Variants in DHX34 observed in about 807,000 individuals in gnomAD.
DHX34 encodes the protein DExH-box helicase 34.
DHX34 carries 96 observed loss-of-function variants against 111.1 expected under a neutral mutation model. The observed-to-expected ratio is 0.86, with a 90% CI of 0.73 to 1.02. The LOEUF (loss-of-function observed/expected upper bound fraction) is 1.02. Among genes scored for constraint, DHX34 ranks in the 50% least tolerant of loss-of-function variants. The pLI, the probability that DHX34 is intolerant of heterozygous loss-of-function variation, is 0.00. For synonymous variants in DHX34, 688 were observed against 670.4 expected, an observed-to-expected ratio of 1.03 and a Z score of -0.41; for missense variants, 1,560 against 1,579.9, an observed-to-expected ratio of 0.99 and a Z score of 0.21.
At position 47,376,052 on chromosome 19, in the gene DHX34, G is replaced by A. The variant is rs1171049300; in HGVS notation, c.2436G>A (p.Leu812=). The change falls in exon 11 of 17, where the codon CTG becomes CTA. Residue 812 remains leucine, a synonymous_variant. Transcript: ENST00000328771. ...TGGGCCGGGGCCTGTACCCACAGCT[G>A]GCCGTCCCCGACGCCTTCAACAGCA... ...LVLGRGLYPQ[L]AVPDAFNSSR... The A allele has an allele frequency of 1.3e-6, 2 of 1,588,344 alleles. No individual in the cohort carries two copies. Among genetic ancestry groups the A allele is most frequent in the Non-Finnish European group, 1.7e-6 (2 of 1,168,788 alleles).
intron 8 of DHX34, chr19:47,373,335 C>G (rs1276281595): frequency 2.4e-6 from 1 of 413,148 alleles, no homozygotes; most frequent in East Asian, 1.6e-4. Context: ...TGCAGGGAGA[C>G]AGACCACTGA....
At chr19:47,351,870 C>A (rs1326886825) in intron 1 of DHX34, among the ~76,000 whole-genome samples, 1 of 151,796 alleles carries the variant, frequency 6.6e-6, no homozygotes, top group African/African-American at 2.4e-5. Flanking sequence ...CATGTAGAAT[C>A]GAGGAAGGGC....
intron 13 of DHX34, among the ~76,000 whole-genome samples, chr19:47,378,899 G>A (rs1970257080): frequency 6.6e-6 from 1 of 152,078 alleles, no homozygotes; most frequent in Admixed American, 6.6e-5. Context: ...GGAGGCCGAG[G>A]TGTGTGGATC....
At position 47,381,176 on chromosome 19, in the gene DHX34, C is replaced by T. The variant is rs768508903; in HGVS notation, c.3160-10C>T. 1 of 1,612,660 alleles carries T rather than the reference C, an allele frequency of 6.2e-7. No individual in the cohort carries two copies. The highest frequency in any genetic ancestry group is 8.5e-7 in the Non-Finnish European group (1 of 1,178,932). ...GCGGGGGCCCAGCCCTGACAGCTGGCCTGCCACAGAATGACACAGACCTGT... is the reference window on the plus strand; with the variant it reads ...GCGGGGGCCCAGCCCTGACAGCTGGTCTGCCACAGAATGACACAGACCTGT... On this transcript the variant is annotated splice_polypyrimidine_tract_variant and intron_variant, in intron 15 of 16. Transcript: ENST00000328771.
At position 47,359,976 on chromosome 19, in the gene DHX34, T is replaced by G; in HGVS notation, c.1281T>G (p.Asp427Glu). The G allele has an allele frequency of 2.5e-6, 4 of 1,614,064 alleles. No individual in the cohort carries two copies. Among genetic ancestry groups the G allele is most frequent in the Non-Finnish European group, 1.7e-6 (2 of 1,179,982 alleles). ...CCCTCCCTTCCTCCCAGGTATTTGA[T>G]GTGGCACCCCCTGGAGTCCGGAAAT... Reference protein sequence around the residue: ...LSVADQDKVFDVAPPGVRKCI... With the variant: ...LSVADQDKVFEVAPPGVRKCI... Residue 427 changes from aspartate (D) to glutamate (E), a missense_variant, in exon 5 of 17, where the codon GAT becomes GAG. Asp to Glu is a conservative substitution (Grantham distance 45). Coordinates refer to ENST00000328771, the MANE Select transcript of DHX34 (RefSeq NM_014681.6).
In DHX34 at chr19:47,377,088, T is replaced by C; in HGVS notation, c.2600-12T>C. 6.2e-7 allele frequency: 1 copy of C among 1,613,898 alleles called. No individual in the cohort carries two copies. Among genetic ancestry groups the C allele is most frequent in the Non-Finnish European group, 8.5e-7 (1 of 1,179,890 alleles). ...CCAGGGTGGGCCTGAGCGGTCCTCCTCAACCTTTCAGACGACAAGGACAAG... is the reference window on the plus strand; with the variant it reads ...CCAGGGTGGGCCTGAGCGGTCCTCCCCAACCTTTCAGACGACAAGGACAAG... On this transcript the variant is annotated splice_polypyrimidine_tract_variant and intron_variant, in intron 12 of 16. Transcript: ENST00000328771.
intron 13 of DHX34, among the ~76,000 whole-genome samples, chr19:47,377,986 G>A (rs1970224712): frequency 6.6e-6 from 1 of 152,094 alleles, no homozygotes; most frequent in Non-Finnish European, 1.5e-5. Context: ...AGCCCTGTGG[G>A]TCTCCCTTTA....
intron 4 of DHX34, among the ~76,000 whole-genome samples, chr19:47,358,550 C>T (rs1338126510): frequency 1.3e-5 from 2 of 150,834 alleles, no homozygotes; most frequent in Non-Finnish European, 2.9e-5. Flanking sequence ...ACTTCTTGGG[C>T]TCAAGTGATC....
Position 47,373,638 on chromosome 19 carries a change from C to A in DHX34, c.2002C>A (p.Arg668Ser). ...GAGCAGAAACTCTCGCAAGTGGTGC[C>A]GCCGCCGGGGCATAGAGGAGCATCG... ...ERSRNSRKWCRRRGIEEHRLY... is the reference protein window; with the variant it reads ...ERSRNSRKWCSRRGIEEHRLY... Residue 668 changes from arginine to serine, a missense_variant, in exon 9 of 17, where the codon CGC becomes AGC. Physicochemically the swap from Arg to Ser is moderately radical, Grantham distance 110. Transcript: ENST00000328771. 6.2e-7 allele frequency: 1 copy of A among 1,613,956 alleles called. No homozygotes were observed. Among genetic ancestry groups the A allele is most frequent in the Non-Finnish European group, 8.5e-7 (1 of 1,179,932 alleles).
intron 6 of DHX34, among the ~76,000 whole-genome samples, chr19:47,363,836 AAT>A (rs1491025896): frequency 6.6e-6 from 1 of 151,346 alleles, no homozygotes; most frequent in African/African-American, 2.4e-5. Flanking sequence ...AAAAAAAAAA[AAT>A]GTCCATAGGG....
Position 47,357,995 on chromosome 19 carries a change from GTCT to G in DHX34, c.1150_1152del (p.Phe384del). 2 of 1,613,874 alleles carry G rather than the reference GTCT, an allele frequency of 1.2e-6. No individual in the cohort carries two copies. Among genetic ancestry groups the G allele is most frequent in the Non-Finnish European group, 1.7e-6 (2 of 1,180,040 alleles). ...GCCTGAGGAGCGGGGTGACCTCCTCGTCTTCCTCAGCGGCATGGCGGAGATCAG... is the reference window on the plus strand; with the variant it reads ...GCCTGAGGAGCGGGGTGACCTCCTCGTCCTCAGCGGCATGGCGGAGATCAG... On this transcript the variant is annotated inframe_deletion, in exon 4 of 17. Coordinates refer to ENST00000328771, the MANE Select transcript of DHX34 (RefSeq NM_014681.6).
At chr19:47,365,846 G>A (rs1382282955) in intron 6 of DHX34, among the ~76,000 whole-genome samples, 1 of 152,186 alleles carries the variant, frequency 6.6e-6, no homozygotes, top group Non-Finnish European at 1.5e-5. Context: ...ACCATCTACT[G>A]CCTGCCTGGA....
intron 12 of DHX34, 138 bp from the exon 13 acceptor site, chr19:47,376,962 G>A (rs995511551): frequency 1.3e-6 from 2 of 1,544,888 alleles, no homozygotes; most frequent in Non-Finnish European, 1.7e-6. Flanking sequence ...TGACCTTCTT[G>A]TCTGAGCCAG....
At chr19:47,375,342 G>A (rs773273310) in intron 9 of DHX34, 124 bp from the exon 10 acceptor site, 9 of 1,425,050 alleles carry the variant, frequency 6.3e-6, no homozygotes, top group African/African-American at 2.9e-5. Context: ...AGCACCATGC[G>A]AGGGGCTGTT....
chr19:47,371,444 T>C (rs1969962413), intron 7 of DHX34, among the ~76,000 whole-genome samples: 1 of 152,104 alleles, frequency 6.6e-6, no homozygotes, highest in African/African-American at 2.4e-5. Context: ...ATGCTGTTGT[T>C]CCCCCGTTTA....
rs1291034639 is a variant in DHX34, at chr19:47,376,076, CAGCCGAA to C, written c.2463_2469del (p.Ser821ArgfsTer50). On this transcript the variant is annotated frameshift_variant, in exon 11 of 17. Coordinates refer to ENST00000328771, the MANE Select transcript of DHX34 (RefSeq NM_014681.6). LOFTEE classifies it high-confidence loss of function. ...TGGCCGTCCCCGACGCCTTCAACAG[CAGCCGAA>C]AGGACTCAGACCAGGTGGGGCCTGT... 3.2e-6 allele frequency: 5 copies of C among 1,569,210 alleles called. No homozygotes were observed. The highest frequency in any genetic ancestry group is 2.8e-5 in the African/African-American group (2 of 72,714).
At chr19:47,373,488 A>C in intron 8 of DHX34, 111 bp from the exon 9 acceptor site, 1 of 1,475,000 alleles carries the variant, frequency 6.8e-7, no homozygotes, top group East Asian at 2.5e-5. Context: ...TGGAAGCAGG[A>C]GAGCAGGTGT....
Position 47,381,319 on chromosome 19 carries a change from C to T in DHX34, c.3293C>T (p.Pro1098Leu), listed in dbSNP as rs749932903. The T allele has an allele frequency of 1.2e-6, 2 of 1,613,278 alleles. No individual in the cohort carries two copies. Among genetic ancestry groups the T allele is most frequent in the Non-Finnish European group, 8.5e-7 (1 of 1,179,592 alleles). ...TGCCCCCAGGCCCCACAGGATGGGCCCCCAGGTAAGCACAGGACTGTGGGG... is the reference window on the plus strand; with the variant it reads ...TGCCCCCAGGCCCCACAGGATGGGCTCCCAGGTAAGCACAGGACTGTGGGG... ...NTCPQAPQDG[P>L]PGAEEAALET... Residue 1098 changes from proline (P) to leucine (L), a missense_variant, in exon 16 of 17, where the codon CCC becomes CTC. Transcript: ENST00000328771.
At chr19:47,357,193 A>G (rs1253523911) in intron 3 of DHX34, among the ~76,000 whole-genome samples, 2 of 152,156 alleles carry the variant, frequency 1.3e-5, no homozygotes, top group African/African-American at 2.4e-5. Flanking sequence ...CCTGATTTCT[A>G]GGTTTTTAAT....
Sources: allele counts gnomAD v4.1 joint callset (sites outside exome capture counted in the v4.1 genomes callset), GRCh38; gene constraint gnomAD v4.1.1; transcripts MANE v1.5; gene names NCBI Gene and HGNC (gene_info 2026-07-23, HGNC 2026-07-21).